Variants in CCNC observed in about 807,000 individuals in gnomAD.
CCNC encodes cyclin-C.
Under a neutral mutation model 50.0 loss-of-function variants are expected in CCNC, and 19 were observed. The ratio of observed to expected loss-of-function variants is 0.38; its 90% confidence interval spans 0.27 to 0.56. The LOEUF (loss-of-function observed/expected upper bound fraction) is 0.56, where lower values mean the gene tolerates loss of function less well. CCNC is among the 20% of genes least tolerant of loss of function. CCNC has a pLI of 0.72. For missense variants in CCNC, 200 were observed against 327.1 expected (o/e 0.61, Z 3.00); for synonymous variants, 93 against 103.7 (o/e 0.90, Z 0.63).
chr6:99,552,257 T>C (rs1440360051), intron 5 of CCNC, among the ~76,000 whole-genome samples: 1 of 152,156 alleles, frequency 6.6e-6, no homozygotes, highest in Non-Finnish European at 1.5e-5. Context: ...AGGGGTTACA[T>C]ATGTGTTTAC....
chr6:99,548,775 C>G (rs370106772), intron 9 of CCNC, among the ~76,000 whole-genome samples: 1 of 141,714 alleles, frequency 7.1e-6, no homozygotes, highest in South Asian at 2.3e-4. Context: ...TGCACTCCAG[C>G]CTGGGAGACA....
At position 99,551,022 on chromosome 6, in the gene CCNC, C is replaced by A; in HGVS notation, c.409G>T (p.Glu137Ter). 1 of 1,107,270 alleles carries A rather than the reference C, an allele frequency of 9.0e-7. No homozygotes were observed. Among genetic ancestry groups the A allele is most frequent in the Non-Finnish European group, 1.2e-6 (1 of 800,030 alleles). The allele number at this position is 1,107,270 out of a possible 1,614,324, so 68.6% of individuals were successfully genotyped here. A position where few individuals can be genotyped will look rare whatever the true frequency, so the allele number is the denominator to read the frequency against. The change falls in exon 7 of 12, where the codon GAA becomes TAA. Residue 137 changes from glutamate to a stop codon, truncating the protein, a stop_gained. Coordinates refer to ENST00000520429, the MANE Select transcript of CCNC (RefSeq NM_005190.4). LOFTEE classifies it high-confidence loss of function. The stretch of plus-strand genomic sequence containing the variant: ...AGTTCTAACAGATAGAATTCACATT[C>A]TAATATCTGTTTAAAACAAAGATTA... ...EFPYRMNHIL[E>*]CEFYLLELMD...
intron 7 of CCNC, chr6:99,550,724 T>C: frequency 4.0e-6 from 1 of 247,238 alleles, no homozygotes; most frequent in Non-Finnish European, 7.7e-6. Context: ...GGTGGTTTAA[T>C]GTCCTGACTT....
intron 5 of CCNC, among the ~76,000 whole-genome samples, chr6:99,555,442 T>G (rs753308534): frequency 9.5e-4 from 145 of 152,110 alleles, no homozygotes; most frequent in Non-Finnish European, 1.8e-3. Context: ...AACTCTTTTT[T>G]TTTTTAATTT....
chr6:99,544,038 G>A, intron 11 of CCNC: 2 of 1,182,452 alleles, frequency 1.7e-6, no homozygotes, highest in Admixed American at 3.9e-5. Context: ...AACCAAAACT[G>A]TTGTCCAAAG....
At chr6:99,550,901 A>G (rs1802266858) in intron 7 of CCNC, 92 bp downstream of exon 7, 1 of 648,230 alleles carries the variant, frequency 1.5e-6, no homozygotes, top group African/African-American at 1.9e-5. Context: ...TGGTTTTAAA[A>G]TGTACCTCTC....
upstream of CCNC, chr6:99,568,734 T>A: frequency 7.1e-7 from 1 of 1,400,914 alleles, no homozygotes; most frequent in Non-Finnish European, 9.3e-7. Context: ...AACCCGTTCC[T>A]ATCGACAAAA....
intron 1 of CCNC, chr6:99,567,020 G>A (rs1444084905): frequency 4.6e-6 from 2 of 439,210 alleles, no homozygotes; most frequent in Non-Finnish European, 9.1e-6. Flanking sequence ...GCAAGGCAAA[G>A]TGGTCCCTTC....
intron 2 of CCNC, chr6:99,562,568 A>T: frequency 3.6e-6 from 1 of 275,872 alleles, no homozygotes; most frequent in Non-Finnish European, 6.7e-6. Flanking sequence ...GCTTTAGCCA[A>T]CCTTGAACTG....
intron 5 of CCNC, among the ~76,000 whole-genome samples, chr6:99,556,004 GTTC>G (rs35733386): frequency 0.85 from 129,518 of 151,870 alleles, 55,892 homozygotes; most frequent in East Asian, 0.98. Context: ...TGGCTTGTTT[GTTC>G]TTCTTGCTGG....
Position 99,568,531 on chromosome 6 carries a change from A to C in CCNC, c.-4T>G, listed in dbSNP as rs1473573779. The C allele has an allele frequency of 1.9e-6, 3 of 1,612,412 alleles. No homozygotes were observed. Among genetic ancestry groups the C allele is most frequent in the South Asian group, 1.1e-5 (1 of 90,720 alleles). Reference sequence around the variant, plus strand: ...TCTGCCAAAAGTTCCCTGCCATGGAACACAGCTTGCCCTGATAAAAAAGCA... The same window carrying C: ...TCTGCCAAAAGTTCCCTGCCATGGACCACAGCTTGCCCTGATAAAAAAGCA... On this transcript the variant is annotated 5_prime_UTR_variant, in exon 1 of 12. Coordinates refer to ENST00000520429, the MANE Select transcript of CCNC (RefSeq NM_005190.4).
At chr6:99,556,622 G>A (rs1012173433) in intron 5 of CCNC, among the ~76,000 whole-genome samples, 4 of 149,884 alleles carry the variant, frequency 2.7e-5, no homozygotes, top group African/African-American at 9.8e-5. Context: ...GCACAATGCT[G>A]GCATTACCCT....
intron 6 of CCNC, 51 bp from the exon 7 acceptor site, chr6:99,551,079 A>T: frequency 2.2e-6 from 2 of 922,438 alleles, no homozygotes; most frequent in East Asian, 3.3e-5. Context: ...ACCAAATTAG[A>T]TAAGTCCACT....
chr6:99,561,305 G>A, intron 4 of CCNC, 62 bp downstream of exon 4: 3 of 1,039,238 alleles, frequency 2.9e-6, no homozygotes, highest in Non-Finnish European at 4.5e-6. Flanking sequence ...TGTGAAAACT[G>A]GGGCAGATTA....
At chr6:99,560,031 C>A (rs1802711088) in intron 4 of CCNC, among the ~76,000 whole-genome samples, 1 of 152,020 alleles carries the variant, frequency 6.6e-6, no homozygotes, top group Admixed American at 6.6e-5. Context: ...AGGAATAATT[C>A]TTTATCCAAA....
chr6:99,545,158 C>T lies in CCNC; in HGVS notation c.751G>A (p.Ala251Thr). 6.2e-7 allele frequency: 1 copy of T among 1,611,220 alleles called. No individual in the cohort carries two copies. The highest frequency in any genetic ancestry group is 8.5e-7 in the Non-Finnish European group (1 of 1,177,618). ...WKNFDERKEM[A>T]TILSKMPKPK... Reference sequence around the variant, plus strand: ...TTTGGCATCTTACTAAGAATGGTTGCCATCTCTTTTCTCTCATCGAAATTC... The same window carrying T: ...TTTGGCATCTTACTAAGAATGGTTGTCATCTCTTTTCTCTCATCGAAATTC... Residue 251 changes from alanine to threonine, a missense_variant, in exon 11 of 12, where the codon GCA becomes ACA. Coordinates refer to ENST00000520429, the MANE Select transcript of CCNC (RefSeq NM_005190.4).
At chr6:99,551,938 ATAAAT>A in intron 5 of CCNC, 43 bp from the exon 6 acceptor site, 1 of 1,292,060 alleles carries the variant, frequency 7.7e-7, no homozygotes, top group Non-Finnish European at 1.0e-6. Flanking sequence ...AAAATGGGAA[ATAAAT>A]TAACTCAAAA....
intron 1 of CCNC, chr6:99,568,240 G>T (rs578115695): frequency 7.3e-6 from 4 of 549,004 alleles, no homozygotes; most frequent in Non-Finnish European, 1.3e-5. Context: ...ATTAAACTCC[G>T]AAACGTTCCT....
rs1183000308 is a variant in CCNC at position 99,568,532 on chromosome 6, C to T, written c.-5G>A. 1 of 1,612,312 alleles carries T rather than the reference C, an allele frequency of 6.2e-7. No homozygotes were observed. The highest frequency in any genetic ancestry group is 2.2e-5 in the East Asian group (1 of 44,732). ...CTGCCAAAAGTTCCCTGCCATGGAA[C>T]ACAGCTTGCCCTGATAAAAAAGCAC... On this transcript the variant is annotated 5_prime_UTR_variant, in exon 1 of 12. Transcript: ENST00000520429.
Sources: allele counts gnomAD v4.1 joint callset (sites outside exome capture counted in the v4.1 genomes callset), GRCh38; gene constraint gnomAD v4.1.1; transcripts MANE v1.5; gene names NCBI Gene and HGNC (gene_info 2026-07-23, HGNC 2026-07-21).